TMEM164: variants seen among roughly 807,000 people sequenced by gnomAD.
TMEM164 encodes the protein transmembrane protein 164.
A neutral mutation model predicts 18.8 loss-of-function variants in TMEM164; 4 were observed. The observed-to-expected ratio is 0.21, with a 90% confidence interval of 0.10 to 0.49. The LOEUF (loss-of-function observed/expected upper bound fraction) is 0.49, where lower values mean the gene tolerates loss of function less well. Ranked by LOEUF, TMEM164 falls within the 20% of genes least tolerant of loss-of-function variation. The pLI, the probability that TMEM164 is intolerant of heterozygous loss-of-function variation, is 0.98. For synonymous variants in TMEM164, 86 were observed against 101.7 expected, an observed-to-expected ratio of 0.85 and a Z score of 0.93; for missense variants, 108 against 239.9, an observed-to-expected ratio of 0.45 and a Z score of 3.63.
At chrX:110,170,280 A>G (rs1440823514) in intron 5 of TMEM164, among the ~76,000 whole-genome samples, 1 of 112,256 alleles carries the variant, frequency 8.9e-6, no homozygotes, top group Non-Finnish European at 1.9e-5. Context: ...TTTTCCCATA[A>G]CAGGTGGCGC....
intron 2 of TMEM164, among the ~76,000 whole-genome samples, chrX:110,067,146 A>ATG (rs1218488000): frequency 3.2e-5 from 2 of 62,007 alleles, no homozygotes; most frequent in African/African-American, 8.8e-5. Context: ...TCCCTTTCTC[A>ATG]TGTGTGCGCA....
At chrX:110,067,151 T>C (rs866869714) in intron 2 of TMEM164, among the ~76,000 whole-genome samples, 196 bp from the exon 3 acceptor site, 3 of 85,851 alleles carry the variant, frequency 3.5e-5, no homozygotes, top group Non-Finnish European at 6.3e-5. Context: ...TTCTCATGTG[T>C]GCGCACACAC....
In TMEM164 at chrX:110,120,344, A is replaced by G. The variant is rs939442880; in HGVS notation, c.507+11198A>G. Among the ~76,000 whole-genome samples, 4 of 112,455 alleles carry G rather than the reference A, an allele frequency of 3.6e-5. No individual in the cohort carries two copies. The East Asian group carries it at 1.1e-3, about 32-fold the overall frequency. ...TTCAAGCAGTGTTTCTTTATGCAAT[A>G]GAAGCCTTATCTAGTGAGTGCTTCC... On this transcript the variant is annotated intron_variant, in intron 4 of 6. Transcript: ENST00000372068.
At chrX:110,013,204 A>G (rs943561573) in intron 2 of TMEM164, among the ~76,000 whole-genome samples, 16 of 112,283 alleles carry the variant, frequency 1.4e-4, no homozygotes, top group Non-Finnish European at 1.9e-4. Flanking sequence ...GTCTTTGCCA[A>G]TCGACCAGCT....
intron 3 of TMEM164, among the ~76,000 whole-genome samples, chrX:110,101,446 G>T (rs1396219537): frequency 1.8e-5 from 2 of 110,989 alleles, no homozygotes; most frequent in Admixed American, 9.6e-5. Context: ...AATTTTAATT[G>T]CTAGGGTTCT....
Position 110,098,102 on chromosome X carries a change from C to G in TMEM164, c.441-10978C>G, listed in dbSNP as rs1051453872. 3.6e-5 allele frequency among the ~76,000 whole-genome samples: 4 copies of G among 112,296 alleles called. No individual in the cohort carries two copies. In the South Asian group the frequency reaches 1.5e-3, roughly 41 times the overall value. On this transcript the variant is annotated intron_variant, in intron 3 of 6. Coordinates refer to ENST00000372068, the MANE Select transcript of TMEM164 (RefSeq NM_032227.4). ...CTAAACCCTGGCAACCACTGACCAGCTCTGCAATCACTGTAGTTTTGTCCT... is the reference window on the plus strand; with the variant it reads ...CTAAACCCTGGCAACCACTGACCAGGTCTGCAATCACTGTAGTTTTGTCCT...
At chrX:110,093,171 C>T (rs1473465097) in intron 3 of TMEM164, among the ~76,000 whole-genome samples, 1 of 111,544 alleles carries the variant, frequency 9.0e-6, no homozygotes, top group Non-Finnish European at 1.9e-5. Context: ...CTAAAATTCT[C>T]TTTTTTTGTT....
At chrX:110,093,265 G>A (rs928845727) in intron 3 of TMEM164, among the ~76,000 whole-genome samples, 2 of 110,217 alleles carry the variant, frequency 1.8e-5, no homozygotes, top group Admixed American at 1.9e-4. Flanking sequence ...CTATTGATTG[G>A]AATAGCCCCT....
At chrX:110,106,000 G>A (rs1454487713) in intron 3 of TMEM164, among the ~76,000 whole-genome samples, 2 of 111,482 alleles carry the variant, frequency 1.8e-5, no homozygotes, top group African/African-American at 3.3e-5. Flanking sequence ...AAACTCTGAT[G>A]ACTGAATGAG....
rs1313278746 is a variant in TMEM164, at chrX:110,084,443, AG to A, written c.440+17048del. 1.3e-3 allele frequency among the ~76,000 whole-genome samples: 114 copies of A among 85,680 alleles called. 2 individuals are homozygous for A. The highest frequency in any genetic ancestry group is 3.5e-3 in the African/African-American group (84 of 24,260). The allele number at this position is 85,680 out of a possible 115,157, so 74.4% of individuals were successfully genotyped here. A position where few individuals can be genotyped will look rare whatever the true frequency, so the allele number is the denominator to read the frequency against. ...TATATATAGTATAGTATATATATAT[AG>A]TATATATATATATAGTATAGTATAT... On this transcript the variant is annotated intron_variant, in intron 3 of 6. Transcript: ENST00000372068.
chrX:110,088,894 CT>C (rs2065889371), intron 3 of TMEM164, among the ~76,000 whole-genome samples: 1 of 112,021 alleles, frequency 8.9e-6, no homozygotes, highest in Non-Finnish European at 1.9e-5. Flanking sequence ...ATTCAGATAA[CT>C]TTTCCCATCT....
In TMEM164 at chrX:110,037,984, A is replaced by ATTTTTTTT. The variant is rs1036705725; in HGVS notation, c.391-29346_391-29339dup. 1.8e-4 allele frequency among the ~76,000 whole-genome samples: 13 copies of ATTTTTTTT among 72,694 alleles called. 1 individual carries two copies. Among genetic ancestry groups the ATTTTTTTT allele is most frequent in the African/African-American group, 7.3e-4 (12 of 16,405 alleles). The allele number at this position is 72,694 out of a possible 115,157, so 63.1% of individuals were successfully genotyped here. A position where few individuals can be genotyped will look rare whatever the true frequency, so the allele number is the denominator to read the frequency against. On this transcript the variant is annotated intron_variant, in intron 2 of 6. Transcript: ENST00000372068. ...TTCCTAAAGAACAGCCTTTGGACTC[A>ATTTTTTTT]TTTTTTTTTTTTTTTTTTTTTTTTG... is the stretch of plus-strand genomic sequence containing the variant.
In TMEM164 at chrX:110,169,316, G is replaced by T. The variant is rs192237198; in HGVS notation, c.587-2104G>T. 2.7e-5 allele frequency among the ~76,000 whole-genome samples: 3 copies of T among 111,446 alleles called. No individual in the cohort carries two copies. The East Asian group carries it at 8.5e-4, about 31-fold the overall frequency. The stretch of plus-strand genomic sequence containing the variant: ...AGCCAGAACACTGGGAGTTTTCCAA[G>T]ATCCTTCCTCTCCCTTACCAACCCC... On this transcript the variant is annotated intron_variant, in intron 5 of 6. Coordinates refer to ENST00000372068, the MANE Select transcript of TMEM164 (RefSeq NM_032227.4).
At position 110,033,660 on chromosome X, in the gene TMEM164, G is replaced by A. The variant is rs1934624898; in HGVS notation, c.390+29496G>A. Among the ~76,000 whole-genome samples, 3 of 111,193 alleles carry A rather than the reference G, an allele frequency of 2.7e-5. No individual in the cohort carries two copies. The Admixed American group carries it at 2.9e-4, about 11-fold the overall frequency. ...CCAAACAGATGGCCCATATTCACTGGGGATAGGTCTCAGGGTCTTCTTCAT... is the reference window on the plus strand; with the variant it reads ...CCAAACAGATGGCCCATATTCACTGAGGATAGGTCTCAGGGTCTTCTTCAT... On this transcript the variant is annotated intron_variant, in intron 2 of 6. Transcript: ENST00000372068.
chrX:110,106,617 T>C (rs779903703), intron 3 of TMEM164, among the ~76,000 whole-genome samples: 339 of 111,266 alleles, frequency 3.0e-3, no homozygotes, highest in Non-Finnish European at 5.1e-3. Context: ...CAAGTGATCC[T>C]CCCGCCTCAG....
At chrX:110,109,724 C>T (rs1326344690) in intron 4 of TMEM164, among the ~76,000 whole-genome samples, 3 of 111,506 alleles carry the variant, frequency 2.7e-5, no homozygotes, top group Admixed American at 1.9e-4. Flanking sequence ...ATTCCTTCCC[C>T]ATCCACCCAA....
At chrX:110,071,716 C>CAAAAAA (rs59182790) in intron 3 of TMEM164, among the ~76,000 whole-genome samples, 5 of 43,311 alleles carry the variant, frequency 1.2e-4, no homozygotes, top group Admixed American at 3.9e-4. Context: ...TTTGTCTCTA[C>CAAAAAA]AAAAAAAAAA....
At position 110,174,156 on chromosome X, in the gene TMEM164, A is replaced by G. The variant is rs753408976; in HGVS notation, c.*705A>G. 1 of 112,301 alleles carries G rather than the reference A, an allele frequency of 8.9e-6. No individual in the cohort carries two copies. The highest frequency in any genetic ancestry group is 3.3e-5 in the African/African-American group (1 of 30,698). 9.3% of individuals were successfully genotyped at this position (112,301 alleles called of 1,213,427 possible). ...TATTGCAATGACAAATCCAAAGTGAAGAGGGTCAAGATATATACAGTACTA... is the reference window on the plus strand; with the variant it reads ...TATTGCAATGACAAATCCAAAGTGAGGAGGGTCAAGATATATACAGTACTA... On this transcript the variant is annotated 3_prime_UTR_variant, in exon 7 of 7. Transcript: ENST00000372068.
At chrX:110,012,784 A>G (rs767634970) in intron 2 of TMEM164, among the ~76,000 whole-genome samples, 27 of 112,474 alleles carry the variant, frequency 2.4e-4, no homozygotes, top group Non-Finnish European at 4.3e-4. Flanking sequence ...CACATCTGTC[A>G]GTTCATGGGC....
Sources: gnomAD v4.1 joint callset for allele counts (sites outside exome capture counted in the v4.1 genomes callset) on GRCh38, gnomAD v4.1.1 for gene constraint, MANE v1.5 for transcripts, NCBI Gene and HGNC (gene_info 2026-07-23, HGNC 2026-07-21) for gene names.